The following UBXN10 variants were observed in gnomAD, a reference collection of about 807,000 sequenced individuals.
UBXN10 encodes UBX domain protein 10, also known as UBX domain-containing protein 10.
UBXN10 carries 6 observed loss-of-function variants against 6.9 expected under a neutral mutation model. The ratio of observed to expected loss-of-function variants is 0.87; its 90% CI spans 0.48 to 1.72. The LOEUF (loss-of-function observed/expected upper bound fraction) is 1.72. Among genes scored for constraint, UBXN10 ranks in the 40% most tolerant of loss-of-function variants. The pLI is 0.01. For synonymous variants in UBXN10, 131 were observed against 135.2 expected (o/e 0.97, Z 0.21); for missense variants, 317 against 348.4 (o/e 0.91, Z 0.72).
chr1:20,192,785 T>C lies in UBXN10; in HGVS notation c.*1381T>C, dbSNP rs2018532222. ...AGTTCCAGAAGCATATACATGTGGC[T>C]ACCCCAGCAACAAGCGCATCCTGTG... is the stretch of plus-strand genomic sequence containing the variant. On this transcript the variant is annotated 3_prime_UTR_variant, in exon 2 of 2. Transcript: ENST00000375099. The C allele has an allele frequency of 6.0e-6, 1 of 167,084 alleles. No individual in the cohort carries two copies. The highest frequency in any genetic ancestry group is 6.5e-5 in the Admixed American group (1 of 15,276). 10.4% of individuals were successfully genotyped at this position (167,084 alleles called of 1,614,324 possible).
Position 20,192,157 on chromosome 1 carries a change from G to A in UBXN10, c.*753G>A, listed in dbSNP as rs1000417359. ...CTGTGGGCTGAATTCTTCCAAAACCGAGAAAAGCCAGTGCAGTCTGATTTC... is the reference window on the plus strand; with the variant it reads ...CTGTGGGCTGAATTCTTCCAAAACCAAGAAAAGCCAGTGCAGTCTGATTTC... On this transcript the variant is annotated 3_prime_UTR_variant, in exon 2 of 2. Coordinates refer to ENST00000375099, the MANE Select transcript of UBXN10 (RefSeq NM_152376.5). 1.2e-5 allele frequency: 2 copies of A among 167,062 alleles called. No individual in the cohort carries two copies. Among genetic ancestry groups the A allele is most frequent in the East Asian group, 1.9e-4 (1 of 5,194 alleles). 10.3% of individuals were successfully genotyped at this position (167,062 alleles called of 1,614,324 possible). A position where few individuals can be genotyped will look rare whatever the true frequency, so the allele number is the denominator to read the frequency against.
In UBXN10 at chr1:20,191,783, T is replaced by A. The variant is rs2018507539; in HGVS notation, c.*379T>A. On this transcript the variant is annotated 3_prime_UTR_variant, in exon 2 of 2. Coordinates refer to ENST00000375099, the MANE Select transcript of UBXN10 (RefSeq NM_152376.5). This position sits in a 1 kb window ranked among gnomAD's most constrained non-coding sequence, Gnocchi z 4.5. Reference sequence around the variant, plus strand: ...TTCTCTCGAAGCCAATGCTTTCCTGTCTGTATTTGATGCAGGATTAAACAC... The same window carrying A: ...TTCTCTCGAAGCCAATGCTTTCCTGACTGTATTTGATGCAGGATTAAACAC... 1 of 216,638 alleles carries A rather than the reference T, an allele frequency of 4.6e-6. No individual in the cohort carries two copies. Among genetic ancestry groups the A allele is most frequent in the Admixed American group, 5.2e-5 (1 of 19,124 alleles). The allele number at this position is 216,638 out of a possible 1,614,324, so 13.4% of individuals were successfully genotyped here.
intron 1 of UBXN10, among the ~76,000 whole-genome samples, chr1:20,190,270 C>T (rs1244376858): frequency 3.3e-5 from 5 of 152,088 alleles, no homozygotes; most frequent in African/African-American, 7.2e-5. Flanking sequence ...TTCTTCATAG[C>T]GGTTGTTACT....
In UBXN10 at chr1:20,195,822, C is replaced by T. The variant is rs1230365590; in HGVS notation, c.*4418C>T. 6.0e-6 allele frequency: 1 copy of T among 167,076 alleles called. No individual in the cohort carries two copies. Among genetic ancestry groups the T allele is most frequent in the African/African-American group, 2.4e-5 (1 of 41,448 alleles). The allele number at this position is 167,076 out of a possible 1,614,324, so 10.3% of individuals were successfully genotyped here. ...AGATATAAGTTAAAAGTATCATCTACCTCTAGGGGTATGATATGACTGCTG... is the reference window on the plus strand; with the variant it reads ...AGATATAAGTTAAAAGTATCATCTATCTCTAGGGGTATGATATGACTGCTG... On this transcript the variant is annotated 3_prime_UTR_variant, in exon 2 of 2. Coordinates refer to ENST00000375099, the MANE Select transcript of UBXN10 (RefSeq NM_152376.5).
chr1:20,189,832 G>C (rs2018460045), intron 1 of UBXN10, among the ~76,000 whole-genome samples: 1 of 152,256 alleles, frequency 6.6e-6, no homozygotes. Flanking sequence ...TATGGGTACA[G>C]AGGACACAGG....
At chr1:20,186,693 G>C (rs556237597) in intron 1 of UBXN10, among the ~76,000 whole-genome samples, 1 of 152,244 alleles carries the variant, frequency 6.6e-6, no homozygotes, top group Non-Finnish European at 1.5e-5. Context: ...TCTGACGCTG[G>C]AATCATCCCC....
At chr1:20,184,437 C>A (rs1457435528), upstream of UBXN10, 1 of 152,292 alleles carries the variant, frequency 6.6e-6, no homozygotes, top group Non-Finnish European at 1.5e-5. Flanking sequence ...CCATCTTTTA[C>A]ACATTCCGAG....
intron 1 of UBXN10, among the ~76,000 whole-genome samples, chr1:20,189,479 T>C (rs1454289017): frequency 1.3e-5 from 2 of 151,946 alleles, no homozygotes; most frequent in Non-Finnish European, 1.5e-5. Flanking sequence ...CACAGAGAAA[T>C]GTTCACGCCT....
Position 20,190,863 on chromosome 1 carries a change from A to C in UBXN10, c.302A>C (p.Gln101Pro). The part of the protein sequence containing the change: ...GASDEIPELQ[Q>P]QVPTGASSSL... ...TCTGATGAGATCCCTGAGCTGCAGC[A>C]GCAAGTACCCACTGGGGCTTCCTCT... is the stretch of plus-strand genomic sequence containing the variant. Residue 101 changes from glutamine to proline, a missense_variant, in exon 2 of 2, where the codon CAG (glutamine) becomes CCG (proline). Transcript: ENST00000375099. 1 of 1,614,074 alleles carries C rather than the reference A, an allele frequency of 6.2e-7. No homozygotes were observed. Among genetic ancestry groups the C allele is most frequent in the South Asian group, 1.1e-5 (1 of 91,086 alleles).
chr1:20,187,560 G>T lies in UBXN10; in HGVS notation c.-16+1407G>T, dbSNP rs977275072. On this transcript the variant is annotated intron_variant, in intron 1 of 1. Coordinates refer to ENST00000375099, the MANE Select transcript of UBXN10 (RefSeq NM_152376.5). This position sits in a 1 kb window ranked among gnomAD's most constrained non-coding sequence, Gnocchi z 4.6. ...GAGCTGGTGTTCCCTCCGTGTAACA[G>T]ATGGTCCCTGTGCTCGGGAGGAGGC... 6.6e-6 allele frequency among the ~76,000 whole-genome samples: 1 copy of T among 152,196 alleles called. No homozygotes were observed. The highest frequency in any genetic ancestry group is 1.5e-5 in the Non-Finnish European group (1 of 68,038).
chr1:20,185,360 T>G (rs1436883624), upstream of UBXN10, among the ~76,000 whole-genome samples: 1 of 151,942 alleles, frequency 6.6e-6, no homozygotes, highest in African/African-American at 2.4e-5. Context: ...GCAGGGAGGA[T>G]CCTTTTGAGA....
At chr1:20,184,886 G>A (rs1306154659), upstream of UBXN10, among the ~76,000 whole-genome samples, 1 of 152,196 alleles carries the variant, frequency 6.6e-6, no homozygotes, top group Non-Finnish European at 1.5e-5. Context: ...GGGCGAGGTG[G>A]CTCATGTCTG....
chr1:20,189,757 A>T (rs1033685788), intron 1 of UBXN10, among the ~76,000 whole-genome samples: 1 of 151,616 alleles, frequency 6.6e-6, no homozygotes, highest in Non-Finnish European at 1.5e-5. Context: ...AGAAAAAGAA[A>T]AAAAGAAATG....
Position 20,191,249 on chromosome 1 carries a change from C to G in UBXN10, c.688C>G (p.Gln230Glu), listed in dbSNP as rs769709868. The G allele has an allele frequency of 1.2e-6, 2 of 1,614,054 alleles. No individual in the cohort carries two copies. Among genetic ancestry groups the G allele is most frequent in the East Asian group, 2.2e-5 (1 of 44,892 alleles). The change falls in exon 2 of 2, where the codon CAG becomes GAG. Residue 230 changes from glutamine to glutamate, a missense_variant. Gln to Glu is a conservative substitution (Grantham distance 29). Coordinates refer to ENST00000375099, the MANE Select transcript of UBXN10 (RefSeq NM_152376.5). The surrounding 1 kb of genome is among the most constrained non-coding windows in gnomAD (Gnocchi z 4.5). ...GCAAACCATTGTTGCTGTGGCCGAA[C>G]AGAAAAACAAAACCTCCTACCGACA... ...DLQTIVAVAE[Q>E]KNKTSYRHCS...
chr1:20,191,527 C>A lies in UBXN10; in HGVS notation c.*123C>A. 1 of 1,445,906 alleles carries A rather than the reference C, an allele frequency of 6.9e-7. No individual in the cohort carries two copies. The highest frequency in any genetic ancestry group is 9.3e-7 in the Non-Finnish European group (1 of 1,075,632). 89.6% of individuals were successfully genotyped at this position (1,445,906 alleles called of 1,614,324 possible). On this transcript the variant is annotated 3_prime_UTR_variant, in exon 2 of 2. Coordinates refer to ENST00000375099, the MANE Select transcript of UBXN10 (RefSeq NM_152376.5). The surrounding 1 kb of genome is among the most constrained non-coding windows in gnomAD (Gnocchi z 4.5). ...CCTGGTGCAGCTGGGAAGCTTGGGACTCTCGTCTGCACTGCGTGTCCTCTG... is the reference window on the plus strand; with the variant it reads ...CCTGGTGCAGCTGGGAAGCTTGGGAATCTCGTCTGCACTGCGTGTCCTCTG...
Position 20,194,565 on chromosome 1 carries a change from A to G in UBXN10, c.*3161A>G, listed in dbSNP as rs142985950. On this transcript the variant is annotated 3_prime_UTR_variant, in exon 2 of 2. Transcript: ENST00000375099. ...GGCATTCATTCCAATTAATAACCTT[A>G]AAGACTAGAGCCAGATCCACCTGCA... 6.6e-4 allele frequency: 111 copies of G among 167,190 alleles called. No homozygotes were observed. Among genetic ancestry groups the G allele is most frequent in the African/African-American group, 2.6e-3 (107 of 41,574 alleles). 10.4% of individuals were successfully genotyped at this position (167,190 alleles called of 1,614,324 possible).
Position 20,190,974 on chromosome 1 carries a change from G to C in UBXN10, c.413G>C (p.Ser138Thr), listed in dbSNP as rs746088464. 1 of 1,614,034 alleles carries C rather than the reference G, an allele frequency of 6.2e-7. No homozygotes were observed. The highest frequency in any genetic ancestry group is 1.3e-5 in the African/African-American group (1 of 74,920). Reference protein sequence around the residue: ...EAVETVAKKASSLQLSSIRAL... With the variant: ...EAVETVAKKATSLQLSSIRAL... ...GTGGAAACCGTTGCCAAAAAGGCCA[G>C]CTCACTGCAACTGAGCAGTATCCGG... The change falls in exon 2 of 2, where the codon AGC (serine) becomes ACC (threonine). Residue 138 changes from serine to threonine, a missense_variant. By Grantham distance (58) the Ser-to-Thr change is moderately conservative (BLOSUM62 1). Transcript: ENST00000375099.
At chr1:20,185,504 G>T (rs1417520863), upstream of UBXN10, among the ~76,000 whole-genome samples, 1 of 152,210 alleles carries the variant, frequency 6.6e-6, no homozygotes, top group Non-Finnish European at 1.5e-5. Context: ...GCTGGAAGTG[G>T]AAGAGATTGT....
Position 20,191,617 on chromosome 1 carries a change from C to G in UBXN10, c.*213C>G. On this transcript the variant is annotated 3_prime_UTR_variant, in exon 2 of 2. Coordinates refer to ENST00000375099, the MANE Select transcript of UBXN10 (RefSeq NM_152376.5). The surrounding 1 kb of genome is among the most constrained non-coding windows in gnomAD (Gnocchi z 4.5). ...GTCTCCCTTCCAGCTGTTCCATTCT[C>G]TCCACCACCAGCGTAACTGGCAAGT... The G allele has an allele frequency of 1.6e-6, 1 of 641,094 alleles. No homozygotes were observed. The highest frequency in any genetic ancestry group is 2.5e-6 in the Non-Finnish European group (1 of 395,040). The allele number at this position is 641,094 out of a possible 1,614,324, so 39.7% of individuals were successfully genotyped here.
Sources: allele counts gnomAD v4.1 joint callset (sites outside exome capture counted in the v4.1 genomes callset), GRCh38; gene constraint gnomAD v4.1.1; non-coding constraint Gnocchi (gnomAD v3.1); transcripts MANE v1.5; gene names NCBI Gene and HGNC (gene_info 2026-07-23, HGNC 2026-07-21).